Variants in SUPT3H observed in about 807,000 individuals in gnomAD.
SUPT3H encodes the protein SPT3 homolog, SAGA and STAGA complex component, also known as transcription initiation protein SPT3 homolog.
A neutral mutation model predicts 44.3 loss-of-function variants in SUPT3H; 44 were observed. The observed-to-expected ratio is 0.99, with a 90% CI of 0.78 to 1.28. The LOEUF is 1.28. SUPT3H is among the 50% of genes most tolerant of loss of function. SUPT3H has a pLI of 0.00. For missense variants in SUPT3H, 380 were observed against 387.1 expected (o/e 0.98, Z 0.15); for synonymous variants, 124 against 125.6 (o/e 0.99, Z 0.09).
At chr6:45,092,283 T>C (rs1351269164) in intron 3 of SUPT3H, among the ~76,000 whole-genome samples, 1 of 152,150 alleles carries the variant, frequency 6.6e-6, no homozygotes, top group East Asian at 1.9e-4. Flanking sequence ...TTTTACAGTA[T>C]TTATGCTGAT....
intron 3 of SUPT3H, among the ~76,000 whole-genome samples, chr6:45,094,488 T>C (rs1299470533): frequency 1.3e-5 from 2 of 152,232 alleles, no homozygotes; most frequent in African/African-American, 2.4e-5. Flanking sequence ...AATTGGTTAG[T>C]AGGATATACT....
At chr6:45,248,751 C>G (rs1211424221) in intron 2 of SUPT3H, among the ~76,000 whole-genome samples, 1 of 151,988 alleles carries the variant, frequency 6.6e-6, no homozygotes. Context: ...CCAGTCTCTA[C>G]TAAAATACAA....
chr6:44,938,815 T>C (rs1415051387), intron 9 of SUPT3H, among the ~76,000 whole-genome samples: 1 of 152,156 alleles, frequency 6.6e-6, no homozygotes, highest in Admixed American at 6.5e-5. Flanking sequence ...TACTAGATAT[T>C]TTGTTATTTT....
intron 9 of SUPT3H, among the ~76,000 whole-genome samples, chr6:44,947,564 T>C (rs1040755071): frequency 3.9e-5 from 6 of 152,198 alleles, no homozygotes; most frequent in Non-Finnish European, 8.8e-5. Flanking sequence ...TTTTTCTTTT[T>C]CTTTCTTTGG....
At chr6:45,038,093 A>AAC (rs1442755714) in intron 3 of SUPT3H, among the ~76,000 whole-genome samples, 1 of 152,188 alleles carries the variant, frequency 6.6e-6, no homozygotes, top group African/African-American at 2.4e-5. Context: ...CAGTCTTGTT[A>AAC]GAGTCTTGAC....
chr6:44,947,211 G>T (rs1473447883), intron 9 of SUPT3H, among the ~76,000 whole-genome samples: 1 of 152,168 alleles, frequency 6.6e-6, no homozygotes, highest in Non-Finnish European at 1.5e-5. Context: ...GAAAATTTGT[G>T]TGACTCGCTT....
chr6:45,353,598 GA>G (rs1792522594), intron 2 of SUPT3H, among the ~76,000 whole-genome samples: 1 of 151,960 alleles, frequency 6.6e-6, no homozygotes, highest in African/African-American at 2.4e-5. Context: ...TTCTAACTTA[GA>G]ACCCTCCCTG....
intron 2 of SUPT3H, among the ~76,000 whole-genome samples, chr6:45,131,704 C>G (rs1803493932): frequency 6.6e-6 from 1 of 152,178 alleles, no homozygotes. Flanking sequence ...TAACTCTTTA[C>G]TTTTAACTAC....
At chr6:44,879,833 G>A (rs1777929014) in intron 10 of SUPT3H, among the ~76,000 whole-genome samples, 4 of 152,174 alleles carry the variant, frequency 2.6e-5, no homozygotes, top group Admixed American at 1.3e-4. Context: ...TGCAGCAGAG[G>A]GGCCTGACTG....
chr6:45,056,443 A>G (rs1025555416), intron 3 of SUPT3H, among the ~76,000 whole-genome samples: 1 of 152,242 alleles, frequency 6.6e-6, no homozygotes, highest in Admixed American at 6.5e-5. Flanking sequence ...ATGCTCATCA[A>G]TCAATGAGTG....
At chr6:45,089,388 G>T (rs1022864950) in intron 3 of SUPT3H, among the ~76,000 whole-genome samples, 2 of 151,846 alleles carry the variant, frequency 1.3e-5, no homozygotes, top group Admixed American at 1.3e-4. Context: ...CTTGAGTGGC[G>T]TCACCCATTT....
At chr6:45,316,577 A>G (rs2150014563) in intron 2 of SUPT3H, among the ~76,000 whole-genome samples, 1 of 152,302 alleles carries the variant, frequency 6.6e-6, no homozygotes, top group East Asian at 1.9e-4. Context: ...AAACAAATTC[A>G]GTAATTCTGC....
chr6:45,157,844 C>A (rs1267339014), intron 2 of SUPT3H, among the ~76,000 whole-genome samples: 1 of 151,522 alleles, frequency 6.6e-6, no homozygotes, highest in Non-Finnish European at 1.5e-5. Flanking sequence ...CCGCACCCGG[C>A]CAGCATTATA....
At chr6:44,831,617 ATTAT>A (rs1218568501) in intron 10 of SUPT3H, among the ~76,000 whole-genome samples, 1 of 152,182 alleles carries the variant, frequency 6.6e-6, no homozygotes, top group Non-Finnish European at 1.5e-5. Flanking sequence ...AACATCATGT[ATTAT>A]TTAAAGCACA....
chr6:44,917,996 G>A (rs1768077874), intron 10 of SUPT3H, among the ~76,000 whole-genome samples: 1 of 151,980 alleles, frequency 6.6e-6, no homozygotes, highest in African/African-American at 2.4e-5. Context: ...AAATTCATTG[G>A]GGGTAATCTA....
chr6:45,009,861 G>A (rs944516204), intron 5 of SUPT3H, among the ~76,000 whole-genome samples: 22 of 152,144 alleles, frequency 1.4e-4, no homozygotes, highest in South Asian at 6.2e-4. Flanking sequence ...TAGAATCAGC[G>A]TATTCATGAT....
At chr6:45,137,906 AC>A (rs1405656933) in intron 2 of SUPT3H, among the ~76,000 whole-genome samples, 1 of 152,054 alleles carries the variant, frequency 6.6e-6, no homozygotes, top group African/African-American at 2.4e-5. Flanking sequence ...TTTCAAAAAA[AC>A]AATATTAAGC....
intron 10 of SUPT3H, among the ~76,000 whole-genome samples, chr6:44,869,564 T>C (rs781712959): frequency 3.9e-5 from 6 of 152,230 alleles, no homozygotes; most frequent in Admixed American, 6.5e-5. Context: ...GTCTTATCTA[T>C]GTAAATGCAA....
At chr6:45,290,527 C>A (rs1056681904) in intron 2 of SUPT3H, among the ~76,000 whole-genome samples, 1 of 149,976 alleles carries the variant, frequency 6.7e-6, no homozygotes, top group African/African-American at 2.4e-5. Context: ...TTTGTATTTA[C>A]TCTTCTGGGC....
Sources: gnomAD v4.1 joint callset for allele counts (sites outside exome capture counted in the v4.1 genomes callset) on GRCh38, gnomAD v4.1.1 for gene constraint, MANE v1.5 for transcripts, NCBI Gene and HGNC (gene_info 2026-07-23, HGNC 2026-07-21) for gene names.